ANKDD1A: variants seen among roughly 807,000 people sequenced by gnomAD.
The protein encoded by ANKDD1A is ankyrin repeat and death domain containing 1A, also known as ankyrin repeat and death domain-containing protein 1A.
In ANKDD1A, 59 loss-of-function variants were observed where a neutral mutation model predicts 63.5. The observed-to-expected ratio is 0.93, with a 90% CI of 0.75 to 1.15. The LOEUF is 1.15. ANKDD1A is among the 50% of genes most tolerant of loss of function. The pLI is 0.00. For synonymous variants in ANKDD1A, 266 were observed against 263.9 expected, an observed-to-expected ratio of 1.01 and a Z score of -0.08; for missense variants, 632 against 656.4, an observed-to-expected ratio of 0.96 and a Z score of 0.41.
intron 9 of ANKDD1A, among the ~76,000 whole-genome samples, chr15:64,935,461 G>A (rs1042517380): frequency 3.3e-5 from 5 of 152,002 alleles, no homozygotes; most frequent in African/African-American, 1.2e-4. Flanking sequence ...GGATCACGAG[G>A]TCAGGAGATC....
intron 10 of ANKDD1A, 138 bp downstream of exon 10, chr15:64,942,703 GTAATC>G (rs2085194479): frequency 1.1e-5 from 7 of 633,102 alleles, no homozygotes; most frequent in African/African-American, 1.9e-5. Flanking sequence ...CTTTTAGAAA[GTAATC>G]TAAATAGTTG....
At chr15:64,925,917 T>C in intron 4 of ANKDD1A, 149 bp from the exon 5 acceptor site, 2 of 670,652 alleles carry the variant, frequency 3.0e-6, no homozygotes, top group Non-Finnish European at 2.4e-6. Flanking sequence ...CAGAGTGGGT[T>C]ATCCCTCGGG....
chr15:64,947,311 G>C, intron 12 of ANKDD1A, 93 bp from the exon 13 acceptor site: 1 of 1,325,658 alleles, frequency 7.5e-7, no homozygotes, highest in Non-Finnish European at 1.0e-6. Context: ...CCCCAGCAGA[G>C]GTGGTAGGAG....
intron 14 of ANKDD1A, chr15:64,950,509 TA>T: frequency 2.0e-6 from 2 of 985,386 alleles, no homozygotes; most frequent in Non-Finnish European, 2.4e-6. Flanking sequence ...AATCCCTCAT[TA>T]AAAACAAAAT....
Position 64,957,955 on chromosome 15 carries a change from T to G in ANKDD1A, c.*767T>G, listed in dbSNP as rs2085434191. 6.6e-6 allele frequency: 1 copy of G among 152,224 alleles called. No individual in the cohort carries two copies. Among genetic ancestry groups the G allele is most frequent in the Non-Finnish European group, 1.5e-5 (1 of 68,054 alleles). 9.4% of individuals were successfully genotyped at this position (152,224 alleles called of 1,614,324 possible). A position where few individuals can be genotyped will look rare whatever the true frequency, so the allele number is the denominator to read the frequency against. On this transcript the variant is annotated 3_prime_UTR_variant, in exon 15 of 15. Coordinates refer to ENST00000319580, the MANE Select transcript of ANKDD1A (RefSeq NM_182703.6). ...AGGCTAAGAAACTAATCAGGTGGTTTCCCTGGGGTAGTAGGATAATGGGGA... is the reference window on the plus strand; with the variant it reads ...AGGCTAAGAAACTAATCAGGTGGTTGCCCTGGGGTAGTAGGATAATGGGGA...
rs199679385 is a variant in ANKDD1A at position 64,949,928 on chromosome 15, C to T, written c.1439C>T (p.Ala480Val). 77 of 1,609,434 alleles carry T rather than the reference C, an allele frequency of 4.8e-5. No individual in the cohort carries two copies. The highest frequency in any genetic ancestry group is 2.3e-4 in the African/African-American group (17 of 74,930). ...VATAGENPSKALFEGLVAIGR... is the reference protein window; with the variant it reads ...VATAGENPSKVLFEGLVAIGR... ...ACGGCTGGTGAGAACCCCAGCAAAG[C>T]GCTGTTCGAGGGCCTCGTGGCCATT... Residue 480 changes from alanine to valine, a missense_variant, in exon 14 of 15, where the codon GCG becomes GTG. Transcript: ENST00000319580.
chr15:64,944,398 T>C (rs971613701), intron 11 of ANKDD1A, among the ~76,000 whole-genome samples: 10 of 152,238 alleles, frequency 6.6e-5, no homozygotes, highest in Non-Finnish European at 1.2e-4. Flanking sequence ...CTGAGTTTCA[T>C]AAGCTCTAGA....
In ANKDD1A at chr15:64,926,111, C is replaced by A. The variant is rs1453620802; in HGVS notation, c.412C>A (p.Pro138Thr). The change falls in exon 5 of 15, where the codon CCT becomes ACT. Residue 138 changes from proline (P) to threonine (T), a missense_variant. Pro to Thr is a conservative substitution (Grantham distance 38). Coordinates refer to ENST00000319580, the MANE Select transcript of ANKDD1A (RefSeq NM_182703.6). The part of the protein sequence containing the change: ...LHCAAQKGHV[P>T]VLAFIMEDLE... Reference sequence around the variant, plus strand: ...CTGCGCAGCCCAAAAAGGCCATGTGCCTGTGCTGGCGTTCATAATGGAGGA... The same window carrying A: ...CTGCGCAGCCCAAAAAGGCCATGTGACTGTGCTGGCGTTCATAATGGAGGA... The A allele has an allele frequency of 1.8e-5, 29 of 1,613,938 alleles. No homozygotes were observed. The highest frequency in any genetic ancestry group is 1.9e-5 in the Non-Finnish European group (23 of 1,179,990).
chr15:64,949,804 CCTT>C (rs2085255021), intron 13 of ANKDD1A, 34 bp from the exon 14 acceptor site: 1 of 1,593,626 alleles, frequency 6.3e-7, no homozygotes, highest in Non-Finnish European at 8.5e-7. Context: ...CCCATTGGCT[CCTT>C]CTCCCTCTCT....
intron 11 of ANKDD1A, 49 bp downstream of exon 11, chr15:64,943,631 C>T (rs28674113): frequency 0.96 from 1,513,455 of 1,572,618 alleles, 732,105 homozygotes; most frequent in East Asian, 1. Context: ...TGGCTCCCCC[C>T]TTGCCAGAGA....
chr15:64,951,665 T>C (rs2085281565), intron 14 of ANKDD1A, among the ~76,000 whole-genome samples: 3 of 107,888 alleles, frequency 2.8e-5, no homozygotes, highest in East Asian at 3.5e-4. Context: ...CTATCTTCTT[T>C]TTCTTTCTTT....
At chr15:64,948,843 G>C (rs2085245103) in intron 13 of ANKDD1A, among the ~76,000 whole-genome samples, 1 of 151,934 alleles carries the variant, frequency 6.6e-6, no homozygotes, top group South Asian at 2.1e-4. Context: ...AAAAAAAAAA[G>C]ATTCCTGACA....
chr15:64,916,014 T>C (rs998831020), intron 2 of ANKDD1A, 114 bp downstream of exon 2: 12 of 1,036,434 alleles, frequency 1.2e-5, no homozygotes, highest in Non-Finnish European at 1.7e-5. Context: ...ATGTGTAAAC[T>C]TGGAGGGAGG....
chr15:64,934,500 C>CTTTT (rs546780732), intron 9 of ANKDD1A, among the ~76,000 whole-genome samples: 6 of 125,628 alleles, frequency 4.8e-5, no homozygotes, highest in Non-Finnish European at 8.5e-5. Flanking sequence ...TTTTTCTTTT[C>CTTTT]TTTTTTTTTT....
chr15:64,954,978 C>A (rs2085404175), intron 14 of ANKDD1A, among the ~76,000 whole-genome samples: 1 of 150,948 alleles, frequency 6.6e-6, no homozygotes, highest in Non-Finnish European at 1.5e-5. Context: ...CCTTGTTCTT[C>A]TCCTGCTTCT....
intron 5 of ANKDD1A, among the ~76,000 whole-genome samples, chr15:64,926,590 G>C (rs1040585018): frequency 6.6e-6 from 1 of 152,072 alleles, no homozygotes; most frequent in African/African-American, 2.4e-5. Context: ...TAGGAGGGAA[G>C]GTCTGATGGG....
At chr15:64,915,754 G>A in intron 1 of ANKDD1A, 43 bp from the exon 2 acceptor site, 1 of 1,553,488 alleles carries the variant, frequency 6.4e-7, no homozygotes, top group Non-Finnish European at 8.9e-7. Context: ...CTGCAGTGTG[G>A]GGCATCCTCC....
chr15:64,952,999 TAG>T (rs2085328153), intron 14 of ANKDD1A, among the ~76,000 whole-genome samples: 219 of 11,986 alleles, frequency 0.018, 1 homozygote, highest in African/African-American at 0.024. Context: ...TTCTCCTTCT[TAG>T]TTCTTTCTTC....
intron 8 of ANKDD1A, 62 bp downstream of exon 8, chr15:64,931,647 A>G: frequency 1.3e-6 from 2 of 1,551,506 alleles, no homozygotes; most frequent in Non-Finnish European, 1.8e-6. Flanking sequence ...CCATGTCGGC[A>G]GTAACGGCCA....
Sources: gnomAD v4.1 joint callset for allele counts (sites outside exome capture counted in the v4.1 genomes callset) on GRCh38, gnomAD v4.1.1 for gene constraint, MANE v1.5 for transcripts, NCBI Gene and HGNC (gene_info 2026-07-23, HGNC 2026-07-21) for gene names.